PCDHGB6: variants seen among roughly 807,000 people sequenced by gnomAD.
PCDHGB6 encodes protocadherin gamma subfamily B, 6.
In PCDHGB6, 51 loss-of-function variants were observed where a neutral mutation model predicts 59.1. The ratio of observed to expected loss-of-function variants is 0.86; its 90% CI spans 0.69 to 1.09. The LOEUF is 1.09. PCDHGB6 is among the 50% of genes least tolerant of loss of function. PCDHGB6 has a pLI of 0.00. For missense variants in PCDHGB6, 1,148 were observed against 1,205.1 expected (o/e 0.95, Z 0.70); for synonymous variants, 466 against 495.1 (o/e 0.94, Z 0.78).
chr5:141,488,196 TA>T, intron 1 of PCDHGB6, among the ~76,000 whole-genome samples: 1 of 152,186 alleles, frequency 6.6e-6, no homozygotes, highest in Non-Finnish European at 1.5e-5. Context: ...GTCTGGGTCT[TA>T]GGACTCATAT....
In PCDHGB6 at chr5:141,413,998, G is replaced by A; in HGVS notation, c.2418+3378G>A. On this transcript the variant is annotated intron_variant, in intron 1 of 3. Transcript: ENST00000520790. The stretch of plus-strand genomic sequence containing the variant: ...GACAGTCACAGCCACCGACAGGGAC[G>A]AAGGTGCCAATGGAGAAGTGACATA... 1 of 1,613,320 alleles carries A rather than the reference G, an allele frequency of 6.2e-7. No individual in the cohort carries two copies. The highest frequency in any genetic ancestry group is 1.6e-4 in the Middle Eastern group (1 of 6,062).
chr5:141,409,712 T>C lies in PCDHGB6; in HGVS notation c.1510T>C (p.Tyr504His), dbSNP rs1049603081. ...CCTAGAGCCCCTGGCGGTGTCGTCA[T>C]ACGTGTCAGTGAGCGCGCAGAGCGG... ...SDLEPLAVSSYVSVSAQSGVV... is the reference protein window; with the variant it reads ...SDLEPLAVSSHVSVSAQSGVV... The change falls in exon 1 of 4, where the codon TAC becomes CAC. Residue 504 changes from tyrosine (Y) to histidine (H), a missense_variant. By Grantham distance (83) the Tyr-to-His change is moderately conservative (BLOSUM62 2). Coordinates refer to ENST00000520790, the MANE Select transcript of PCDHGB6 (RefSeq NM_018926.3). The C allele has an allele frequency of 3.1e-6, 5 of 1,613,122 alleles. No individual in the cohort carries two copies. Among genetic ancestry groups the C allele is most frequent in the Non-Finnish European group, 4.2e-6 (5 of 1,179,888 alleles).
intron 1 of PCDHGB6, 96 bp from the exon 2 acceptor site, chr5:141,494,711 A>G (rs757105958): frequency 6.3e-7 from 1 of 1,599,616 alleles, no homozygotes; most frequent in Non-Finnish European, 8.5e-7. Flanking sequence ...CTCTGTGCCC[A>G]CTCCCCTCCT....
At chr5:141,420,501 A>T in intron 1 of PCDHGB6, 1 of 469,392 alleles carries the variant, frequency 2.1e-6, no homozygotes, top group East Asian at 4.1e-5. Context: ...CTCCGGTGAC[A>T]TTTTTATGAA....
chr5:141,482,135 G>T (rs987110875), intron 1 of PCDHGB6, among the ~76,000 whole-genome samples: 1 of 151,836 alleles, frequency 6.6e-6, no homozygotes, highest in African/African-American at 2.4e-5. Context: ...CATATGGCTG[G>T]CATAAAAAGG....
At chr5:141,445,767 T>C (rs2098476828) in intron 1 of PCDHGB6, among the ~76,000 whole-genome samples, 1 of 152,142 alleles carries the variant, frequency 6.6e-6, no homozygotes, top group African/African-American at 2.4e-5. Flanking sequence ...ACTCAAGCAA[T>C]TTAAAAGGGC....
At chr5:141,419,630 G>T in intron 1 of PCDHGB6, 2 of 1,612,430 alleles carry the variant, frequency 1.2e-6, no homozygotes, top group African/African-American at 1.3e-5. Flanking sequence ...GGTGACCAAG[G>T]TGGTGGCCGT....
intron 1 of PCDHGB6, among the ~76,000 whole-genome samples, chr5:141,474,010 C>G (rs989832548): frequency 1.3e-5 from 2 of 152,092 alleles, no homozygotes; most frequent in Admixed American, 1.3e-4. Flanking sequence ...CTGGAAGTTA[C>G]AGTGAGCTAT....
At chr5:141,503,981 C>T (rs774655880) in intron 2 of PCDHGB6, among the ~76,000 whole-genome samples, 4 of 152,300 alleles carry the variant, frequency 2.6e-5, no homozygotes, top group East Asian at 1.9e-4. Flanking sequence ...CCAAACCCTT[C>T]TTCTTACCTT....
intron 1 of PCDHGB6, among the ~76,000 whole-genome samples, chr5:141,446,536 GC>G (rs1043723006): frequency 2.0e-5 from 3 of 152,012 alleles, no homozygotes; most frequent in African/African-American, 7.2e-5. Context: ...GAGTGCAGTG[GC>G]CCTATCTCTG....
chr5:141,471,906 G>A (rs1376234079), intron 1 of PCDHGB6, among the ~76,000 whole-genome samples: 2 of 152,192 alleles, frequency 1.3e-5, no homozygotes, highest in African/African-American at 4.8e-5. Context: ...CTACAGACAA[G>A]CATGAGGGAA....
In PCDHGB6 at chr5:141,454,796, A is replaced by ATTTTTTTTTTTTTTTTTTTTT. The variant is rs61612330; in HGVS notation, c.2419-40002_2419-39982dup. Reference sequence around the variant, plus strand: ...AAGGAAATAATCCTCCATGGTTCTAATTTTTTTTTTTTTTTTTTTTTTTTT... The same window carrying ATTTTTTTTTTTTTTTTTTTTT: ...AAGGAAATAATCCTCCATGGTTCTAATTTTTTTTTTTTTTTTTTTTTTTTTTTTTTTTTTTTTTTTTTTTTT... On this transcript the variant is annotated intron_variant, in intron 1 of 3. Transcript: ENST00000520790. Among the ~76,000 whole-genome samples, 10 of 77,454 alleles carry ATTTTTTTTTTTTTTTTTTTTT rather than the reference A, an allele frequency of 1.3e-4. 1 individual carries two copies. Among genetic ancestry groups the ATTTTTTTTTTTTTTTTTTTTT allele is most frequent in the Non-Finnish European group, 1.9e-4 (8 of 42,810 alleles). The allele number at this position is 77,454 out of a possible 152,430, so 50.8% of individuals were successfully genotyped here. A position where few individuals can be genotyped will look rare whatever the true frequency, so the allele number is the denominator to read the frequency against.
chr5:141,487,459 T>A lies in PCDHGB6; in HGVS notation c.2419-7348T>A. The A allele has an allele frequency of 1.2e-6, 2 of 1,614,102 alleles. No homozygotes were observed. Among genetic ancestry groups the A allele is most frequent in the Non-Finnish European group, 1.7e-6 (2 of 1,180,008 alleles). On this transcript the variant is annotated intron_variant, in intron 1 of 3. Transcript: ENST00000520790. The surrounding 1 kb of genome is among the most constrained non-coding windows in gnomAD (Gnocchi z 5.0). ...TAGGGTCAGATGACCCTATCAAGTT[T>A]GTTGATGTGGGAGGCCACTCTCATG...
At chr5:141,452,370 G>A (rs2098739834) in intron 1 of PCDHGB6, among the ~76,000 whole-genome samples, 1 of 152,136 alleles carries the variant, frequency 6.6e-6, no homozygotes, top group Non-Finnish European at 1.5e-5. Flanking sequence ...CTTCATTTTA[G>A]TAGGGAATAG....
chr5:141,438,595 T>TAC (rs2098000070), intron 1 of PCDHGB6, among the ~76,000 whole-genome samples: 6 of 58,022 alleles, frequency 1.0e-4, no homozygotes, highest in African/African-American at 1.8e-4. Context: ...TACATACATA[T>TAC]ATATATATAT....
intron 1 of PCDHGB6, chr5:141,426,767 A>C (rs1219028777): frequency 2.2e-6 from 1 of 456,666 alleles, no homozygotes. Flanking sequence ...ATGCAGATGT[A>C]GGGCCTCACT....
chr5:141,477,854 C>T lies in PCDHGB6; in HGVS notation c.2419-16953C>T. Reference sequence around the variant, plus strand: ...GCCAGGTGGGAGCTCGGTGGAGATGCTGCCTCGAGGTACCTCAGCTGGCCA... The same window carrying T: ...GCCAGGTGGGAGCTCGGTGGAGATGTTGCCTCGAGGTACCTCAGCTGGCCA... On this transcript the variant is annotated intron_variant, in intron 1 of 3. Transcript: ENST00000520790. This position sits in a 1 kb window ranked among gnomAD's most constrained non-coding sequence, Gnocchi z 4.9. 1.9e-6 allele frequency: 3 copies of T among 1,614,098 alleles called. No individual in the cohort carries two copies. The South Asian group carries it at 3.3e-5, about 18-fold the overall frequency.
At chr5:141,488,834 G>A (rs976460724) in intron 1 of PCDHGB6, among the ~76,000 whole-genome samples, 1 of 152,160 alleles carries the variant, frequency 6.6e-6, no homozygotes, top group Admixed American at 6.5e-5. Context: ...GCTGCCAAGG[G>A]GGCTGAATCA....
rs766168062 is a variant in PCDHGB6, at chr5:141,491,124, G to A, written c.2419-3683G>A. ...TCGTGTCTACACACACTGGTGAGGT[G>A]CGCACAGCCCGGGCCTTACTGGAGG... On this transcript the variant is annotated intron_variant, in intron 1 of 3. Transcript: ENST00000520790. The surrounding 1 kb of genome is among the most constrained non-coding windows in gnomAD (Gnocchi z 6.9). 22 of 1,614,092 alleles carry A rather than the reference G, an allele frequency of 1.4e-5. No individual in the cohort carries two copies. The highest frequency in any genetic ancestry group is 3.3e-5 in the Admixed American group (2 of 60,004).
Sources: gnomAD v4.1 joint callset for allele counts (sites outside exome capture counted in the v4.1 genomes callset) on GRCh38, gnomAD v4.1.1 for gene constraint, Gnocchi (gnomAD v3.1) non-coding constraint, MANE v1.5 for transcripts, NCBI Gene and HGNC (gene_info 2026-07-23, HGNC 2026-07-21) for gene names.